THBS3: variants seen among roughly 807,000 people sequenced by gnomAD.
The protein encoded by THBS3 is thrombospondin-3.
THBS3 carries 78 observed loss-of-function variants against 118.3 expected under a neutral mutation model. That is an observed-to-expected ratio of 0.66 (90% CI 0.55 to 0.80). THBS3 has a LOEUF of 0.80. THBS3 is among the 30% of genes least tolerant of loss of function. The pLI is 0.00. For missense variants in THBS3, 1,057 were observed against 1,247.4 expected (o/e 0.85, Z 2.30); for synonymous variants, 427 against 475.3 (o/e 0.90, Z 1.32).
chr1:155,199,035 G>A (rs919198901), intron 16 of THBS3, among the ~76,000 whole-genome samples: 2 of 151,534 alleles, frequency 1.3e-5, no homozygotes, highest in Non-Finnish European at 2.9e-5. Flanking sequence ...CAGGAAAATC[G>A]CTTGAACCCT....
At chr1:155,208,907 T>C, upstream of THBS3, 5 of 1,611,570 alleles carry the variant, frequency 3.1e-6, no homozygotes, top group Non-Finnish European at 4.2e-6. Flanking sequence ...CCCCCAGACC[T>C]GGCCCAGGCG....
upstream of THBS3, chr1:155,208,870 T>A: frequency 6.2e-7 from 1 of 1,611,492 alleles, no homozygotes. Flanking sequence ...CCTGGAGCAG[T>A]ACAGGCCACG....
intron 21 of THBS3, 127 bp from the exon 22 acceptor site, chr1:155,196,253 G>A: frequency 1.8e-6 from 2 of 1,133,392 alleles, no homozygotes; most frequent in Non-Finnish European, 2.5e-6. Flanking sequence ...AGAGAAGGGA[G>A]GGAGGGAAAG....
chr1:155,195,835 T>G lies in THBS3; in HGVS notation c.*6A>C. The G allele has an allele frequency of 6.2e-7, 1 of 1,607,468 alleles. No individual in the cohort carries two copies. Among genetic ancestry groups the G allele is most frequent in the Non-Finnish European group, 8.5e-7 (1 of 1,174,704 alleles). On this transcript the variant is annotated 3_prime_UTR_variant, in exon 23 of 23. Transcript: ENST00000368378. ...ATTCTGAATTCTGAATCTGGTGGCC[T>G]CCTCCTCACACCCTTCCCTGGAGCA...
rs778516615 is a variant in THBS3 at position 155,200,123 on chromosome 1, A to G, written c.1709-10T>C. 3 of 1,539,764 alleles carry G rather than the reference A, an allele frequency of 1.9e-6. No individual in the cohort carries two copies. The highest frequency in any genetic ancestry group is 2.6e-6 in the Non-Finnish European group (3 of 1,142,102). On this transcript the variant is annotated splice_polypyrimidine_tract_variant and intron_variant, in intron 14 of 22. Coordinates refer to ENST00000368378, the MANE Select transcript of THBS3 (RefSeq NM_007112.5). ...AATCCATTGGGGATGCCTAGAAGAC[A>G]TGGGTAGCACAAGGTTGTTACTAGA...
chr1:155,205,947 C>T (rs886705636), intron 2 of THBS3, among the ~76,000 whole-genome samples: 2 of 152,186 alleles, frequency 1.3e-5, no homozygotes, highest in Non-Finnish European at 2.9e-5. Flanking sequence ...ACCCTCCTTC[C>T]AGGCATCCCC....
intron 4 of THBS3, 67 bp downstream of exon 4, chr1:155,204,788 G>A (rs1443821893): frequency 1.1e-5 from 15 of 1,408,406 alleles, no homozygotes; most frequent in Non-Finnish European, 1.5e-5. Flanking sequence ...GGGAGATCAA[G>A]AAGACAGGAG....
intron 2 of THBS3, 131 bp from the exon 3 acceptor site, chr1:155,205,447 A>G: frequency 2.4e-6 from 3 of 1,236,192 alleles, no homozygotes; most frequent in South Asian, 3.0e-5. Context: ...GGCTCTCAAC[A>G]CCTTGTATTT....
rs772859906 is a variant in THBS3 at position 155,197,062 on chromosome 1, C to T, written c.2651G>A (p.Arg884Gln). The change falls in exon 21 of 23, where the codon CGG becomes CAG. Residue 884 changes from arginine to glutamine, a missense_variant. By Grantham distance (43) the Arg-to-Gln change is conservative. This residue lies in a region of THBS3 where 307 missense variants were observed against 326.1 expected (regional missense o/e 0.94). Transcript: ENST00000368378. This position sits in a 1 kb window ranked among gnomAD's most constrained non-coding sequence, Gnocchi z 5.0. ...TTACCGAATGTAGCCAACTTGAGGC[C>T]GGTGCAGAAGCTGCCAGCGATAGGA... Reference protein sequence around the residue: ...KTSYRWQLLHRPQVGYIRVKL... With the variant: ...KTSYRWQLLHQPQVGYIRVKL... 4.8e-5 allele frequency: 78 copies of T among 1,613,780 alleles called. No homozygotes were observed. The highest frequency in any genetic ancestry group is 6.3e-5 in the Non-Finnish European group (74 of 1,179,890).
At position 155,200,442 on chromosome 1, in the gene THBS3, G is replaced by A; in HGVS notation, c.1708+9C>T. 1.2e-6 allele frequency: 2 copies of A among 1,613,360 alleles called. No homozygotes were observed. The highest frequency in any genetic ancestry group is 1.7e-6 in the Non-Finnish European group (2 of 1,179,572). ...TCCCCCAGCCACCCCTTCAGCCCCA[G>A]GCCTGCACCATCCCCATCCACGTCG... On this transcript the variant is annotated intron_variant, in intron 14 of 22. Transcript: ENST00000368378.
At position 155,204,922 on chromosome 1, in the gene THBS3, C is replaced by T. The variant is rs1320652042; in HGVS notation, c.579G>A (p.Gly193=). The T allele has an allele frequency of 4.3e-6, 7 of 1,613,870 alleles. No homozygotes were observed. The African/African-American group carries it at 8.0e-5, about 18-fold the overall frequency. ...FVESMKIILG[G]SMARVGALSE... is the part of the protein sequence containing the mutation. ...TCAGGGCTCCTACCCGGGCCATGGACCCACCCAGAATAATTTTCATAGATT... is the reference window on the plus strand; with the variant it reads ...TCAGGGCTCCTACCCGGGCCATGGATCCACCCAGAATAATTTTCATAGATT... The change falls in exon 4 of 23, where the codon GGG becomes GGA. Residue 193 remains glycine, a synonymous_variant. Coordinates refer to ENST00000368378, the MANE Select transcript of THBS3 (RefSeq NM_007112.5).
Position 155,200,476 on chromosome 1 carries a change from G to C in THBS3, c.1683C>G (p.Ala561=). 1.2e-6 allele frequency: 2 copies of C among 1,614,070 alleles called. No homozygotes were observed. Among genetic ancestry groups the C allele is most frequent in the Non-Finnish European group, 1.7e-6 (2 of 1,179,992 alleles). ...KDTDGNGEGD[A]CDNDVDGDGI... ...CATCCCCATCCACGTCGTTGTCACAGGCATCTCCTTCCCCATTGCCATCTG... is the reference window on the plus strand; with the variant it reads ...CATCCCCATCCACGTCGTTGTCACACGCATCTCCTTCCCCATTGCCATCTG... The change falls in exon 14 of 23, where the codon GCC becomes GCG. Residue 561 remains alanine (A), a synonymous_variant. Coordinates refer to ENST00000368378, the MANE Select transcript of THBS3 (RefSeq NM_007112.5).
At chr1:155,203,196 T>G (rs779542881) in intron 6 of THBS3, 27 bp downstream of exon 6, 3 of 1,614,180 alleles carry the variant, frequency 1.9e-6, no homozygotes, top group Non-Finnish European at 2.5e-6. Context: ...CCAGAATCAG[T>G]GCCACCCTTC....
intron 15 of THBS3, 46 bp downstream of exon 15, chr1:155,199,949 C>T: frequency 6.2e-7 from 1 of 1,607,936 alleles, no homozygotes. Flanking sequence ...GGGGCTTCAT[C>T]CATCAGTACC....
intron 7 of THBS3, 51 bp downstream of exon 7, chr1:155,203,035 G>C: frequency 6.2e-7 from 1 of 1,613,966 alleles, no homozygotes; most frequent in South Asian, 1.1e-5. Flanking sequence ...AAAGCCATTG[G>C]GTGGGGAACG....
chr1:155,207,998 A>G (rs1670808095), upstream of THBS3: 1 of 406,122 alleles, frequency 2.5e-6, no homozygotes, highest in Non-Finnish European at 4.5e-6. Context: ...CAGGCGGGTG[A>G]GGGGGGGCTG....
intron 1 of THBS3, among the ~76,000 whole-genome samples, chr1:155,207,135 A>G (rs1670666486): frequency 6.6e-6 from 1 of 152,078 alleles, no homozygotes; most frequent in African/African-American, 2.4e-5. Context: ...TCCACACCCT[A>G]GTTCCCCTCC....
intron 4 of THBS3, among the ~76,000 whole-genome samples, chr1:155,204,244 G>A (rs995335104): frequency 2.0e-5 from 3 of 152,154 alleles, no homozygotes; most frequent in African/African-American, 7.2e-5. Flanking sequence ...CCAGGCAGAT[G>A]GGCAACACTC....
In THBS3 at chr1:155,197,724, G is replaced by A. The variant is rs1374835957; in HGVS notation, c.2303-65C>T. On this transcript the variant is annotated intron_variant, in intron 19 of 22. Coordinates refer to ENST00000368378, the MANE Select transcript of THBS3 (RefSeq NM_007112.5). The surrounding 1 kb of genome is among the most constrained non-coding windows in gnomAD (Gnocchi z 5.0). ...TACTGGCGGCCCATCATGGGGTAAA[G>A]TTGGGAAGGGATGCCTGCTATGTAT... The A allele has an allele frequency of 2.9e-5, 46 of 1,599,716 alleles. No homozygotes were observed. The highest frequency in any genetic ancestry group is 3.9e-5 in the Non-Finnish European group (46 of 1,169,140).
Sources: gnomAD v4.1 joint callset for allele counts (sites outside exome capture counted in the v4.1 genomes callset) on GRCh38, gnomAD v4.1.1 for gene constraint, gnomAD v4.1.1 regional missense constraint, Gnocchi (gnomAD v3.1) non-coding constraint, MANE v1.5 for transcripts, NCBI Gene and HGNC (gene_info 2026-07-23, HGNC 2026-07-21) for gene names.